Variants in CLHC1 observed in about 807,000 individuals in gnomAD.
The protein encoded by CLHC1 is clathrin heavy chain linker domain containing 1.
CLHC1 carries 72 observed loss-of-function variants against 69.5 expected under a neutral mutation model. The ratio of observed to expected loss-of-function variants is 1.04; its 90% CI spans 0.86 to 1.26. The LOEUF (loss-of-function observed/expected upper bound fraction) is 1.26, where lower values mean the gene tolerates loss of function less well. Ranked by LOEUF, CLHC1 falls within the 50% of genes most tolerant of loss-of-function variation. The pLI is 0.00. For missense variants in CLHC1, 790 were observed against 679.3 expected (o/e 1.16, Z -1.81); for synonymous variants, 223 against 224.3 (o/e 0.99, Z 0.05).
intron 4 of CLHC1, among the ~76,000 whole-genome samples, chr2:55,217,552 A>ATACATATATATATAT (rs1444474980): frequency 2.3e-5 from 1 of 43,158 alleles, no homozygotes; most frequent in African/African-American, 1.2e-4. Flanking sequence ...AAAAAAAAAA[A>ATACATATATATATAT]ATATATATAT....
intron 9 of CLHC1, among the ~76,000 whole-genome samples, chr2:55,191,562 A>C (rs1353556602): frequency 6.6e-6 from 1 of 152,162 alleles, no homozygotes; most frequent in Non-Finnish European, 1.5e-5. Context: ...AAAGAAATGA[A>C]GAATAGATAC....
chr2:55,197,091 C>T (rs1671496249), intron 9 of CLHC1, among the ~76,000 whole-genome samples: 1 of 152,068 alleles, frequency 6.6e-6, no homozygotes, highest in Non-Finnish European at 1.5e-5. Flanking sequence ...GCAGTGCTAT[C>T]CGTAGGGAGA....
At position 55,217,932 on chromosome 2, in the gene CLHC1, T is replaced by C. The variant is rs1429902843; in HGVS notation, c.244A>G (p.Ile82Val). Residue 82 changes from isoleucine (I) to valine (V), a missense_variant, in exon 4 of 13, where the codon ATT becomes GTT. Ile to Val is a conservative substitution (Grantham distance 29). Transcript: ENST00000401408. ...TSIKKEYDAF[I>V]ETIKKDRRTT... Reference sequence around the variant, plus strand: ...CTTCGGTCTTTCTTTATTGTCTCAATAAAGGCATCATATTCTTTTTTGATT... The same window carrying C: ...CTTCGGTCTTTCTTTATTGTCTCAACAAAGGCATCATATTCTTTTTTGATT... 4 of 1,598,236 alleles carry C rather than the reference T, an allele frequency of 2.5e-6. No homozygotes were observed. The highest frequency in any genetic ancestry group is 3.4e-6 in the Non-Finnish European group (4 of 1,171,962).
chr2:55,225,637 G>C (rs891002431), intron 2 of CLHC1: 3 of 152,484 alleles, frequency 2.0e-5, no homozygotes, highest in African/African-American at 7.3e-5. Context: ...CCTCATGACC[G>C]TCACGCTGCC....
Position 55,175,329 on chromosome 2 carries a change from C to T in CLHC1, c.*461G>A, listed in dbSNP as rs979903369. ...TCTTTAAATCAGCAGTACAAAATTACTATACTCTAGGTTTTTGCCAGCAAG... is the reference window on the plus strand; with the variant it reads ...TCTTTAAATCAGCAGTACAAAATTATTATACTCTAGGTTTTTGCCAGCAAG... On this transcript the variant is annotated 3_prime_UTR_variant, in exon 13 of 13. Coordinates refer to ENST00000401408, the MANE Select transcript of CLHC1 (RefSeq NM_152385.4). The T allele has an allele frequency of 6.5e-6, 1 of 153,750 alleles. No homozygotes were observed. Among genetic ancestry groups the T allele is most frequent in the African/African-American group, 2.4e-5 (1 of 41,428 alleles). The allele number at this position is 153,750 out of a possible 1,614,324, so 9.5% of individuals were successfully genotyped here. A position where few individuals can be genotyped will look rare whatever the true frequency, so the allele number is the denominator to read the frequency against.
chr2:55,194,183 T>C lies in CLHC1; in HGVS notation c.1006+12087A>G, dbSNP rs72916755. The stretch of plus-strand genomic sequence containing the variant: ...TATTTTTGTAATGATGAAAATGTTC[T>C]AAAATTAGGTTATGGTAATGGTTTC... On this transcript the variant is annotated intron_variant, in intron 9 of 12. Transcript: ENST00000401408. Among the ~76,000 whole-genome samples the C allele has an allele frequency of 8.6e-3, 1,316 of 152,298 alleles. 25 individuals are homozygous for C. The highest frequency in any genetic ancestry group is 0.03 in the African/African-American group (1,249 of 41,546).
intron 2 of CLHC1, chr2:55,224,749 A>C (rs1002868157): frequency 3.1e-6 from 1 of 327,764 alleles, no homozygotes; most frequent in Non-Finnish European, 6.3e-6. Flanking sequence ...CCTTGTGTCC[A>C]TGAGAACATC....
In CLHC1 at chr2:55,175,980, A is replaced by G. The variant is rs374561329; in HGVS notation, c.1571T>C (p.Val524Ala). 32 of 1,612,700 alleles carry G rather than the reference A, an allele frequency of 2.0e-5. No homozygotes were observed. The highest frequency in any genetic ancestry group is 2.6e-5 in the Non-Finnish European group (31 of 1,179,010). ...GGAATCATTTATCATAAGACTTTCT[A>G]CTGCATCTGTGGGGAAAAAATACAA... ...QEINKGGIDA[V>A]ESLMINDSFC... Residue 524 changes from valine to alanine, a missense_variant, in exon 13 of 13, where the codon GTA becomes GCA. By Grantham distance (64) the Val-to-Ala change is moderately conservative. Coordinates refer to ENST00000401408, the MANE Select transcript of CLHC1 (RefSeq NM_152385.4).
At chr2:55,229,172 AAG>A (rs1324318784) in intron 1 of CLHC1, among the ~76,000 whole-genome samples, 1 of 148,526 alleles carries the variant, frequency 6.7e-6, no homozygotes, top group African/African-American at 2.5e-5. Flanking sequence ...AAAAAAAAGA[AAG>A]AAAAAAATTA....
intron 9 of CLHC1, among the ~76,000 whole-genome samples, chr2:55,193,166 A>G (rs1671091547): frequency 6.6e-6 from 1 of 152,110 alleles, no homozygotes; most frequent in Admixed American, 6.6e-5. Context: ...TGCTGGGATT[A>G]TAGGCGTGAA....
Position 55,209,799 on chromosome 2 carries a change from C to A in CLHC1, c.532G>T (p.Ala178Ser). 4 of 1,608,844 alleles carry A rather than the reference C, an allele frequency of 2.5e-6. No homozygotes were observed. Among genetic ancestry groups the A allele is most frequent in the South Asian group, 2.2e-5 (2 of 90,988 alleles). Residue 178 changes from alanine to serine, a missense_variant, in exon 6 of 13, where the codon GCT (alanine) becomes TCT (serine). Physicochemically the swap from Ala to Ser is moderately conservative, Grantham distance 99 (BLOSUM62 1). Coordinates refer to ENST00000401408, the MANE Select transcript of CLHC1 (RefSeq NM_152385.4). ...AGATGTTTCATGTATTTAGTGAGAG[C>A]ATCTAGATTCATGGATTCTTGAAGA... Reference protein sequence around the residue: ...MTLQESMNLDALTKYMKHLED... With the variant: ...MTLQESMNLDSLTKYMKHLED...
chr2:55,201,544 A>T (rs11687876), intron 9 of CLHC1, among the ~76,000 whole-genome samples: 8,602 of 152,250 alleles, frequency 0.056, 295 homozygotes, highest in African/African-American at 0.081. Flanking sequence ...TGAAAAGAAA[A>T]GCCCAGGACC....
intron 2 of CLHC1, chr2:55,224,830 G>T (rs1303682503): frequency 3.3e-6 from 1 of 304,772 alleles, no homozygotes. Context: ...CAGCCAGCCC[G>T]GTTCTCGGAC....
At position 55,209,290 on chromosome 2, in the gene CLHC1, C is replaced by G. The variant is rs140899674; in HGVS notation, c.814+114G>C. 8.4e-4 allele frequency: 545 copies of G among 648,216 alleles called. 3 individuals carry two copies. In the African/African-American group the frequency reaches 9.2e-3, roughly 11 times the overall value. 40.2% of individuals were successfully genotyped at this position (648,216 alleles called of 1,614,324 possible). On this transcript the variant is annotated intron_variant, in intron 7 of 12. Coordinates refer to ENST00000401408, the MANE Select transcript of CLHC1 (RefSeq NM_152385.4). ...AACCCATAGCGTAACAGACAACCAG[C>G]TGAAGTATGATCTTGCTTTATTTAA...
intron 5 of CLHC1, 65 bp downstream of exon 5, chr2:55,212,608 A>G (rs2103969060): frequency 7.9e-7 from 1 of 1,262,458 alleles, no homozygotes; most frequent in Non-Finnish European, 1.2e-6. Context: ...ATATTAATGC[A>G]TGCCTTAGGT....
rs1361413971 is a variant in CLHC1, at chr2:55,184,105, TA to T, written c.1007-2362del. On this transcript the variant is annotated intron_variant, in intron 9 of 12. Coordinates refer to ENST00000401408, the MANE Select transcript of CLHC1 (RefSeq NM_152385.4). ...GTTTTCTCTCTTTTCTTTCTTTCTT[TA>T]TTTTTTTTTTTTTTTTCGAGACAGG... 1.5e-4 allele frequency among the ~76,000 whole-genome samples: 21 copies of T among 139,980 alleles called. 1 individual carries two copies. The highest frequency in any genetic ancestry group is 1.9e-4 in the Non-Finnish European group (12 of 64,372). 91.8% of individuals were successfully genotyped at this position (139,980 alleles called of 152,430 possible). A position where few individuals can be genotyped will look rare whatever the true frequency, so the allele number is the denominator to read the frequency against.
intron 9 of CLHC1, among the ~76,000 whole-genome samples, chr2:55,191,024 T>C (rs1428273416): frequency 6.6e-6 from 1 of 151,990 alleles, no homozygotes; most frequent in Non-Finnish European, 1.5e-5. Context: ...AAAGATGAAA[T>C]AACATTTCTC....
chr2:55,209,167 C>T (rs1672741931), intron 7 of CLHC1, among the ~76,000 whole-genome samples: 1 of 152,072 alleles, frequency 6.6e-6, no homozygotes. Context: ...GCCACCGTGC[C>T]CGGCCTCCTC....
chr2:55,179,815 A>C (rs1669742614), intron 11 of CLHC1, among the ~76,000 whole-genome samples: 1 of 152,166 alleles, frequency 6.6e-6, no homozygotes, highest in Non-Finnish European at 1.5e-5. Context: ...TTTTGAAATA[A>C]ATTAGAAATT....
Sources: gnomAD v4.1 joint callset for allele counts (sites outside exome capture counted in the v4.1 genomes callset) on GRCh38, gnomAD v4.1.1 for gene constraint, MANE v1.5 for transcripts, NCBI Gene and HGNC (gene_info 2026-07-23, HGNC 2026-07-21) for gene names.